Variants in TXNL1 observed in about 807,000 individuals in gnomAD.
TXNL1 encodes thioredoxin-like protein 1.
Under a neutral mutation model 35.5 loss-of-function variants are expected in TXNL1, and 14 were observed. The ratio of observed to expected loss-of-function variants is 0.39; its 90% confidence interval spans 0.26 to 0.62. TXNL1 has a LOEUF of 0.62. Among genes scored for constraint, TXNL1 ranks in the 20% least tolerant of loss-of-function variants. The pLI is 0.47. For synonymous variants in TXNL1, 110 were observed against 115.5 expected (o/e 0.95, Z 0.31); for missense variants, 263 against 349.7 (o/e 0.75, Z 1.98).
At chr18:56,637,744 G>A (rs774525696) in intron 1 of TXNL1, among the ~76,000 whole-genome samples, 1 of 152,176 alleles carries the variant, frequency 6.6e-6, no homozygotes, top group Non-Finnish European at 1.5e-5. Context: ...GGGAGCCTAA[G>A]CTACAAGTTA....
chr18:56,618,528 A>C (rs1167917814), intron 3 of TXNL1, among the ~76,000 whole-genome samples: 1 of 152,160 alleles, frequency 6.6e-6, no homozygotes, highest in Non-Finnish European at 1.5e-5. Flanking sequence ...GCAAATAAGG[A>C]CTTAAAGTTT....
rs2023811639 is a variant in TXNL1, at chr18:56,601,642, C to T, written c.*1385G>A. Reference sequence around the variant, plus strand: ...GAAAGGGACTCTTTCAACACTAAAACTTCTGTAGAATTTTTTCATAAACAA... The same window carrying T: ...GAAAGGGACTCTTTCAACACTAAAATTTCTGTAGAATTTTTTCATAAACAA... On this transcript the variant is annotated 3_prime_UTR_variant, in exon 8 of 8. Coordinates refer to ENST00000217515, the MANE Select transcript of TXNL1 (RefSeq NM_004786.3). 6.6e-6 allele frequency: 1 copy of T among 152,142 alleles called. No individual in the cohort carries two copies. Among genetic ancestry groups the T allele is most frequent in the South Asian group, 2.1e-4 (1 of 4,832 alleles). 9.4% of individuals were successfully genotyped at this position (152,142 alleles called of 1,614,324 possible).
rs1444012321 is a variant in TXNL1 at position 56,599,622 on chromosome 18, G to A, written c.*3405C>T. ...GTTGCCCGGGCTAGTGTGCAGTCAT[G>A]CGATCTTGGCTCACTGCAACCTCCG... On this transcript the variant is annotated 3_prime_UTR_variant, in exon 8 of 8. Transcript: ENST00000217515. 6.6e-6 allele frequency: 1 copy of A among 150,384 alleles called. No homozygotes were observed. The highest frequency in any genetic ancestry group is 2.0e-4 in the East Asian group (1 of 5,090). The allele number at this position is 150,384 out of a possible 1,614,324, so 9.3% of individuals were successfully genotyped here. A position where few individuals can be genotyped will look rare whatever the true frequency, so the allele number is the denominator to read the frequency against.
chr18:56,626,414 T>C lies in TXNL1; in HGVS notation c.142A>G (p.Ser48Gly), dbSNP rs2024279299. The change falls in exon 2 of 8, where the codon AGT becomes GGT. Residue 48 changes from serine (S) to glycine (G), a missense_variant. Transcript: ENST00000217515. Reference protein sequence around the residue: ...LRIAPAFSSMSNKYPQAVFLE... With the variant: ...LRIAPAFSSMGNKYPQAVFLE... ...AAAACAGCCTGTGGATATTTATTAC[T>C]CATAGAACTGAATGCTGGGGCAATC... The C allele has an allele frequency of 6.2e-7, 1 of 1,613,736 alleles. No individual in the cohort carries two copies. Among genetic ancestry groups the C allele is most frequent in the Non-Finnish European group, 8.5e-7 (1 of 1,179,880 alleles).
Position 56,606,481 on chromosome 18 carries a change from C to T in TXNL1, c.841-3425G>A, listed in dbSNP as rs756797806. ...ATGCCACATGTGACTTGTCCTTGAACGATTGAATCCTCCACCTTCCTAAGT... is the reference window on the plus strand; with the variant it reads ...ATGCCACATGTGACTTGTCCTTGAATGATTGAATCCTCCACCTTCCTAAGT... On this transcript the variant is annotated intron_variant, in intron 7 of 7. Transcript: ENST00000217515. Among the ~76,000 whole-genome samples, 8 of 152,294 alleles carry T rather than the reference C, an allele frequency of 5.3e-5. No individual in the cohort carries two copies. In the South Asian group the frequency reaches 1.2e-3, roughly 24 times the overall value.
At chr18:56,635,656 GAAGT>G (rs776550717) in intron 1 of TXNL1, among the ~76,000 whole-genome samples, 1 of 152,210 alleles carries the variant, frequency 6.6e-6, no homozygotes, top group Non-Finnish European at 1.5e-5. Flanking sequence ...TCCCTTTGGA[GAAGT>G]AAGGATGGGG....
intron 6 of TXNL1, among the ~76,000 whole-genome samples, chr18:56,613,145 T>C (rs950103569): frequency 1.3e-5 from 2 of 152,170 alleles, no homozygotes; most frequent in Non-Finnish European, 1.5e-5. Context: ...CAGCCAATTA[T>C]AATTCTTCAT....
chr18:56,605,517 T>C (rs539381652), intron 7 of TXNL1, among the ~76,000 whole-genome samples: 5 of 84,456 alleles, frequency 5.9e-5, no homozygotes, highest in Admixed American at 1.5e-4. Context: ...CAGAAGCCCC[T>C]ATAATTTTCT....
chr18:56,611,748 C>G (rs2144290880), intron 6 of TXNL1, among the ~76,000 whole-genome samples: 1 of 151,566 alleles, frequency 6.6e-6, no homozygotes, highest in Admixed American at 6.6e-5. Context: ...GGCTGGAGTG[C>G]AATGGCACGA....
chr18:56,608,844 G>C (rs1313476353), intron 7 of TXNL1: 1 of 152,046 alleles, frequency 6.6e-6, no homozygotes, highest in Non-Finnish European at 1.5e-5. Flanking sequence ...CTACTCGTGA[G>C]GCTGAGGCTG....
chr18:56,617,823 A>G (rs2024114775), intron 4 of TXNL1, among the ~76,000 whole-genome samples, 181 bp downstream of exon 4: 1 of 151,954 alleles, frequency 6.6e-6, no homozygotes, highest in African/African-American at 2.4e-5. Context: ...CACATACAAG[A>G]ACAAAGAAGG....
chr18:56,604,160 G>T (rs2023852931), intron 7 of TXNL1, among the ~76,000 whole-genome samples: 1 of 152,090 alleles, frequency 6.6e-6, no homozygotes, highest in South Asian at 2.1e-4. Context: ...ATGTTAGAAA[G>T]CTCACAAGGT....
intron 1 of TXNL1, among the ~76,000 whole-genome samples, chr18:56,632,897 C>T (rs754729145): frequency 1.3e-5 from 2 of 152,178 alleles, no homozygotes; most frequent in Non-Finnish European, 2.9e-5. Flanking sequence ...TTCCTATGGA[C>T]TACTGGGCCT....
chr18:56,607,562 G>A (rs1053510298), intron 7 of TXNL1, among the ~76,000 whole-genome samples: 4 of 152,002 alleles, frequency 2.6e-5, no homozygotes, highest in East Asian at 1.9e-4. Context: ...AATATATCCC[G>A]ATTAAACCCA....
intron 1 of TXNL1, among the ~76,000 whole-genome samples, chr18:56,630,528 T>G (rs1407948146): frequency 6.6e-6 from 1 of 152,246 alleles, no homozygotes; most frequent in Admixed American, 6.5e-5. Context: ...GAGAGCTTTC[T>G]GCTTCCAGAT....
chr18:56,624,230 C>T, intron 3 of TXNL1, 58 bp downstream of exon 3: 2 of 1,479,486 alleles, frequency 1.4e-6, no homozygotes, highest in East Asian at 2.3e-5. Context: ...TCATTTTAGC[C>T]CAATAATGAC....
chr18:56,632,145 C>T (rs2024382941), intron 1 of TXNL1, among the ~76,000 whole-genome samples: 1 of 152,136 alleles, frequency 6.6e-6, no homozygotes, highest in Admixed American at 6.5e-5. Flanking sequence ...CTTTTTACTA[C>T]AGTCATAATA....
intron 1 of TXNL1, among the ~76,000 whole-genome samples, chr18:56,634,585 C>T (rs1444855431): frequency 6.6e-6 from 1 of 152,120 alleles, no homozygotes; most frequent in Admixed American, 6.5e-5. Context: ...TTTCGATAAA[C>T]GGTGTTGGAA....
intron 1 of TXNL1, among the ~76,000 whole-genome samples, chr18:56,630,198 G>A (rs1385920334): frequency 4.3e-5 from 6 of 138,108 alleles, no homozygotes; most frequent in Non-Finnish European, 7.8e-5. Context: ...CTCCAACTTG[G>A]AAAAGAAAAA....
Sources: gnomAD v4.1 joint callset for allele counts (sites outside exome capture counted in the v4.1 genomes callset) on GRCh38, gnomAD v4.1.1 for gene constraint, MANE v1.5 for transcripts, NCBI Gene and HGNC (gene_info 2026-07-23, HGNC 2026-07-21) for gene names.